Variants in GSE1 observed in about 807,000 individuals in gnomAD.
The protein encoded by GSE1 is genetic suppressor element 1.
A neutral mutation model predicts 112.6 loss-of-function variants in GSE1; 32 were observed. The ratio of observed to expected loss-of-function variants is 0.28; its 90% confidence interval spans 0.21 to 0.38. The LOEUF is 0.38. Ranked by LOEUF, GSE1 falls within the 10% of genes least tolerant of loss-of-function variation. The pLI is 1.00. For missense variants in GSE1, 2,348 were observed against 1,699.2 expected, an observed-to-expected ratio of 1.38 and a Z score of -6.71; for synonymous variants, 1,115 against 735.6, an observed-to-expected ratio of 1.52 and a Z score of -8.35.
At chr16:85,617,800 C>G (rs1481982595) in intron 1 of GSE1, among the ~76,000 whole-genome samples, 1 of 152,102 alleles carries the variant, frequency 6.6e-6, no homozygotes, top group East Asian at 1.9e-4. Context: ...GATGCTGTTT[C>G]AGGAGACCTG....
chr16:85,239,201 G>C (rs1453014923), intron 1 of GSE1, among the ~76,000 whole-genome samples: 2 of 152,180 alleles, frequency 1.3e-5, no homozygotes, highest in East Asian at 3.9e-4. Flanking sequence ...CAAAGTACTG[G>C]GATTATGGGC....
At chr16:85,187,069 C>T (rs1465889482) in intron 1 of GSE1, among the ~76,000 whole-genome samples, 1 of 152,208 alleles carries the variant, frequency 6.6e-6, no homozygotes. Context: ...CGCTTGGTGT[C>T]TCTGGGGAGT....
chr16:85,213,759 T>G (rs948812457), intron 1 of GSE1, among the ~76,000 whole-genome samples: 11 of 152,254 alleles, frequency 7.2e-5, no homozygotes, highest in African/African-American at 1.9e-4. Flanking sequence ...GCTCAGGCTC[T>G]GAGCCGATTC....
chr16:85,359,444 C>T (rs1425995184), intron 2 of GSE1: 2 of 455,754 alleles, frequency 4.4e-6, no homozygotes, highest in Admixed American at 2.4e-5. Flanking sequence ...GGAGCAGGCC[C>T]ACCCACTTCT....
intron 1 of GSE1, among the ~76,000 whole-genome samples, chr16:85,268,378 C>T (rs376554365): frequency 9.2e-5 from 14 of 152,162 alleles, no homozygotes; most frequent in Non-Finnish European, 1.2e-4. Flanking sequence ...GTGACCGCGC[C>T]GAGCCCCCCA....
At position 85,605,236 on chromosome 16, in the gene GSE1, G is replaced by A. The variant is rs968822029; in HGVS notation, c.38-43316G>A. On this transcript the variant is annotated intron_variant, in intron 1 of 2. Coordinates refer to the GSE1 transcript ENST00000635906. ...AGGGGCCGGCAGGGGCTGGGCTCAC[G>A]CAAGTTGCTGGTGTGATTCTTGGAG... 1.3e-4 allele frequency among the ~76,000 whole-genome samples: 20 copies of A among 151,832 alleles called. 1 individual carries two copies. The highest frequency in any genetic ancestry group is 4.1e-4 in the African/African-American group (17 of 41,164).
chr16:85,627,935 G>A (rs905332195), intron 1 of GSE1, among the ~76,000 whole-genome samples: 1 of 152,200 alleles, frequency 6.6e-6, no homozygotes, highest in Non-Finnish European at 1.5e-5. Flanking sequence ...ACACCTGCAC[G>A]GGAGGAGGCC....
chr16:85,414,049 AC>A (rs2048648147), intron 2 of GSE1, among the ~76,000 whole-genome samples: 1 of 151,888 alleles, frequency 6.6e-6, no homozygotes, highest in Admixed American at 6.6e-5. Context: ...AATCCATTAA[AC>A]CCCTTTCCTT....
intron 1 of GSE1, among the ~76,000 whole-genome samples, chr16:85,251,315 A>G (rs760989790): frequency 3.3e-5 from 5 of 152,212 alleles, no homozygotes; most frequent in South Asian, 2.1e-4. Flanking sequence ...GGAAGGACTC[A>G]TGTCTGTTTT....
At chr16:85,641,531 T>C (rs919045053) in intron 2 of GSE1, among the ~76,000 whole-genome samples, 5 of 152,194 alleles carry the variant, frequency 3.3e-5, no homozygotes, top group Non-Finnish European at 5.9e-5. Context: ...TGCTGCTACT[T>C]GGTCTCCTGC....
chr16:85,554,180 T>C (rs1402265073), upstream of GSE1, among the ~76,000 whole-genome samples: 2 of 151,382 alleles, frequency 1.3e-5, no homozygotes, highest in Admixed American at 1.3e-4. Flanking sequence ...GGGACGTGGG[T>C]AAATGGATCC....
intron 2 of GSE1, among the ~76,000 whole-genome samples, chr16:85,440,732 G>T (rs1381288425): frequency 6.6e-6 from 1 of 152,236 alleles, no homozygotes; most frequent in Non-Finnish European, 1.5e-5. Flanking sequence ...CATCACGGGG[G>T]CACAGCGCGG....
intron 1 of GSE1, among the ~76,000 whole-genome samples, chr16:85,186,841 G>A (rs903362734): frequency 6.6e-6 from 1 of 152,228 alleles, no homozygotes; most frequent in Admixed American, 6.5e-5. Flanking sequence ...GATGATGATG[G>A]TGGTGGTGAT....
At chr16:85,519,360 C>CCATCACCGCCAT (rs1195634194) in intron 2 of GSE1, among the ~76,000 whole-genome samples, 2 of 109,206 alleles carry the variant, frequency 1.8e-5, no homozygotes, top group Non-Finnish European at 1.8e-5. Flanking sequence ...ATCATCATCA[C>CCATCACCGCCAT]CATCACCGGT....
At chr16:85,595,395 A>C (rs912782011) in intron 1 of GSE1, 1 of 152,228 alleles carries the variant, frequency 6.6e-6, no homozygotes, top group African/African-American at 2.4e-5. Context: ...TGAATGCCCA[A>C]GGCCCCTCTG....
In GSE1 at chr16:85,227,007, C is replaced by G. The variant is rs995579412; in HGVS notation, c.2283+55200C>G. 2.0e-5 allele frequency among the ~76,000 whole-genome samples: 3 copies of G among 151,966 alleles called. No individual in the cohort carries two copies. In the South Asian group the frequency reaches 6.2e-4, roughly 32 times the overall value. ...CTGCCCATCCAGCCACCCACGCATC[C>G]CCTTTCCATCCATTCACCCACCCAC... is the stretch of plus-strand genomic sequence containing the variant. On this transcript the variant is annotated intron_variant, in intron 1 of 2. Transcript: ENST00000637419.
At chr16:85,556,016 G>A (rs1370434240) in exon 1 of GSE1, 3 of 984,378 alleles carry the variant, frequency 3.0e-6, no homozygotes, top group South Asian at 4.7e-5. Flanking sequence ...GAAGACACCC[G>A]GGCAGCCGTG....
intron 1 of GSE1, among the ~76,000 whole-genome samples, chr16:85,180,217 T>C (rs530296052): frequency 2.1e-4 from 32 of 152,288 alleles, no homozygotes; most frequent in African/African-American, 7.7e-4. Flanking sequence ...CAGAACCTCA[T>C]TGGAGTGGCA....
intron 15 of GSE1, 57 bp from the exon 16 acceptor site, chr16:85,672,348 A>C (rs1384824995): frequency 1.4e-6 from 2 of 1,391,962 alleles, no homozygotes; most frequent in Admixed American, 1.7e-5. Flanking sequence ...TGTACTCTAC[A>C]TGCTTGTCCT....
Sources: gnomAD v4.1 joint callset for allele counts (sites outside exome capture counted in the v4.1 genomes callset) on GRCh38, gnomAD v4.1.1 for gene constraint, MANE v1.5 for transcripts, NCBI Gene and HGNC (gene_info 2026-07-23, HGNC 2026-07-21) for gene names.